The following RPL3 variants were observed in gnomAD, a reference collection of about 807,000 sequenced individuals.
RPL3 encodes ribosomal protein L3.
Under a neutral mutation model 46.0 loss-of-function variants are expected in RPL3, and 3 were observed. That is an observed-to-expected ratio of 0.07 (90% CI 0.03 to 0.17). RPL3 has a LOEUF of 0.17. RPL3 is among the 10% of genes least tolerant of loss of function. The pLI is 1.00. For synonymous variants in RPL3, 224 were observed against 190.8 expected (o/e 1.17, Z -1.43); for missense variants, 387 against 532.7 (o/e 0.73, Z 2.69).
intron 5 of RPL3, 110 bp downstream of exon 5, chr22:39,315,259 A>AT: frequency 7.0e-7 from 1 of 1,420,418 alleles, no homozygotes; most frequent in Non-Finnish European, 1.0e-6. Context: ...ACACTGTCCG[A>AT]TTCGGGCGCT....
rs961631807 is a variant in RPL3 at position 39,313,304 on chromosome 22, G to A, written c.1054C>T (p.Leu352=). The A allele has an allele frequency of 1.9e-6, 3 of 1,613,980 alleles. No individual in the cohort carries two copies. The highest frequency in any genetic ancestry group is 2.5e-6 in the Non-Finnish European group (3 of 1,179,954). ...AGAGCCCGCCGCTTCGTCTGCACCA[G>A]CAAGGACTATGGGCCAAGAGGGGAA... The part of the protein sequence containing the change: ...KRVLTLRKSL[L]VQTKRRALEK... Residue 352 remains leucine, a synonymous_variant, in exon 9 of 10, where the codon CTG becomes TTG. Transcript: ENST00000216146.
intron 4 of RPL3, among the ~76,000 whole-genome samples, chr22:39,316,329 T>C (rs94852): frequency 0.44 from 66,323 of 151,688 alleles, 14,885 homozygotes; most frequent in Middle Eastern, 0.5. Context: ...GGACATGCAC[T>C]CTCATCCGTG....
chr22:39,315,059 A>G, intron 5 of RPL3: 2 of 717,864 alleles, frequency 2.8e-6, no homozygotes, highest in South Asian at 1.8e-5. Flanking sequence ...TAAGGCATCC[A>G]TTAGTTTAAG....
chr22:39,314,396 A>C (rs759735486), intron 6 of RPL3, 188 bp from the exon 7 acceptor site: 3 of 642,386 alleles, frequency 4.7e-6, no homozygotes, highest in Non-Finnish European at 8.1e-6. Flanking sequence ...CTGGGCTAAA[A>C]CTAAAGATCC....
intron 7 of RPL3, 131 bp downstream of exon 7, chr22:39,313,976 C>T (rs1011506095): frequency 2.3e-6 from 2 of 882,512 alleles, no homozygotes; most frequent in Admixed American, 1.7e-5. Flanking sequence ...CAACATGCCA[C>T]TTACAAGGGA....
In RPL3 at chr22:39,313,627, G is replaced by C; in HGVS notation, c.1047+7C>G. ...GCCCCCCCATGACAAGTCAGGACCT[G>C]CCTCACCTTGCGGAGGGTGAGCACC... On this transcript the variant is annotated splice_region_variant and intron_variant, in intron 8 of 9. Transcript: ENST00000216146. 1 of 1,612,998 alleles carries C rather than the reference G, an allele frequency of 6.2e-7. No homozygotes were observed. Among genetic ancestry groups the C allele is most frequent in the Non-Finnish European group, 8.5e-7 (1 of 1,179,588 alleles).
chr22:39,312,909 A>AC lies in RPL3; in HGVS notation c.*30dup. 1 of 1,613,556 alleles carries AC rather than the reference A, an allele frequency of 6.2e-7. No individual in the cohort carries two copies. Among genetic ancestry groups the AC allele is most frequent in the Non-Finnish European group, 8.5e-7 (1 of 1,179,478 alleles). ...TCAGTGGAAAATAACTTTTATTGAG[A>AC]CCCCACCAACTGCAAAATCTGTTCC... On this transcript the variant is annotated 3_prime_UTR_variant, in exon 10 of 10. Coordinates refer to ENST00000216146, the MANE Select transcript of RPL3 (RefSeq NM_000967.4).
In RPL3 at chr22:39,314,966, G is replaced by C. The variant is rs1922586358; in HGVS notation, c.689-120C>G. 2.2e-5 allele frequency: 30 copies of C among 1,386,120 alleles called. No homozygotes were observed. In the South Asian group the frequency reaches 3.9e-4, roughly 18 times the overall value. The allele number at this position is 1,386,120 out of a possible 1,614,324, so 85.9% of individuals were successfully genotyped here. ...TGAGGGAGTGATAAGATTATTTCAT[G>C]TGCATTACCCACAGGTCTCCCCTGT... On this transcript the variant is annotated intron_variant, in intron 5 of 9. Coordinates refer to ENST00000216146, the MANE Select transcript of RPL3 (RefSeq NM_000967.4).
chr22:39,319,016 A>C (rs1298607063), intron 1 of RPL3: 1 of 538,298 alleles, frequency 1.9e-6, no homozygotes, highest in East Asian at 5.4e-5. Context: ...CACTAATTAC[A>C]CTGATACACA....
At chr22:39,317,951 G>A (rs1395480268) in intron 2 of RPL3, 5 of 382,996 alleles carry the variant, frequency 1.3e-5, no homozygotes, top group Non-Finnish European at 2.4e-5. Context: ...TCAGAGATTA[G>A]TCAGTATCAA....
chr22:39,314,366 G>C (rs1347867750), intron 6 of RPL3, 158 bp from the exon 7 acceptor site: 1 of 686,400 alleles, frequency 1.5e-6, no homozygotes, highest in Non-Finnish European at 2.5e-6. Context: ...TGGCCCTCCA[G>C]GTTCCTTTCT....
rs115272267 is a variant in RPL3, at chr22:39,318,670, C to T, written c.4-78G>A. 6,218 of 1,210,404 alleles carry T rather than the reference C, an allele frequency of 5.1e-3. 143 individuals carry two copies. The Admixed American group carries it at 0.054, about 10-fold the overall frequency. 75.0% of individuals were successfully genotyped at this position (1,210,404 alleles called of 1,614,324 possible). On this transcript the variant is annotated intron_variant, in intron 1 of 9. Coordinates refer to ENST00000216146, the MANE Select transcript of RPL3 (RefSeq NM_000967.4). ...CTCTAGTTCCCAGCTGCTTAAGTTC[C>T]AAATCTCAGCAATACTGAAGAATCC...
At chr22:39,319,029 G>C in intron 1 of RPL3, 2 of 538,032 alleles carry the variant, frequency 3.7e-6, no homozygotes, top group South Asian at 2.8e-5. Flanking sequence ...GATACACACA[G>C]GCCAAAGAAC....
intron 3 of RPL3, 124 bp downstream of exon 3, chr22:39,317,337 G>A (rs1922764596): frequency 2.6e-6 from 3 of 1,151,916 alleles, no homozygotes; most frequent in Non-Finnish European, 3.7e-6. Flanking sequence ...CTGTTCGAGA[G>A]GCAAACTAAA....
intron 2 of RPL3, chr22:39,317,946 G>C: frequency 2.6e-6 from 1 of 390,890 alleles, no homozygotes; most frequent in Non-Finnish European, 4.7e-6. Context: ...TGAGCTCAGA[G>C]ATTAGTCAGT....
intron 5 of RPL3, 63 bp from the exon 6 acceptor site, chr22:39,314,909 A>G: frequency 6.3e-7 from 1 of 1,577,432 alleles, no homozygotes; most frequent in Non-Finnish European, 8.6e-7. Flanking sequence ...CCTTCCTGCT[A>G]CTCAGCAATT....
intron 3 of RPL3, chr22:39,317,137 T>G: frequency 6.9e-6 from 4 of 581,570 alleles, no homozygotes; most frequent in Non-Finnish European, 6.2e-6. Flanking sequence ...AAATGGGACA[T>G]TCCACCCAGG....
rs1417920061 is a variant in RPL3, at chr22:39,314,166, G to A, written c.892C>T (p.Leu298=). The A allele has an allele frequency of 6.2e-7, 1 of 1,613,576 alleles. No individual in the cohort carries two copies. Among genetic ancestry groups the A allele is most frequent in the Non-Finnish European group, 8.5e-7 (1 of 1,180,036 alleles). ...GQGYLIKDGK[L]IKNNASTDYD... is the part of the protein sequence containing the mutation. ...TCAGTGGAGGCATTGTTCTTGATCA[G>A]CTTGCCGTCCTTGATAAGGTAGCCC... Residue 298 remains leucine, a synonymous_variant, in exon 7 of 10, where the codon CTG becomes TTG. Transcript: ENST00000216146.
chr22:39,313,923 C>A, intron 7 of RPL3, 184 bp downstream of exon 7: 1 of 830,890 alleles, frequency 1.2e-6, no homozygotes, highest in Non-Finnish European at 2.1e-6. Context: ...GAGCCTGAGA[C>A]CCCACTTCTC....
Sources: allele counts gnomAD v4.1 joint callset (sites outside exome capture counted in the v4.1 genomes callset), GRCh38; gene constraint gnomAD v4.1.1; transcripts MANE v1.5; gene names NCBI Gene and HGNC (gene_info 2026-07-23, HGNC 2026-07-21).